The following NRG3 variants were observed in gnomAD, a reference collection of about 807,000 sequenced individuals.
NRG3 encodes the protein neuregulin 3.
NRG3 carries 31 observed loss-of-function variants against 66.9 expected under a neutral mutation model. The ratio of observed to expected loss-of-function variants is 0.46; its 90% CI spans 0.35 to 0.63. The LOEUF (loss-of-function observed/expected upper bound fraction) is 0.63. NRG3 is among the 20% of genes least tolerant of loss of function. The probability of loss-of-function intolerance (pLI) is 0.00; values close to 1 mark genes in which losing one functional copy is unlikely to be tolerated. For synonymous variants in NRG3, 393 were observed against 359.4 expected, an observed-to-expected ratio of 1.09 and a Z score of -1.06; for missense variants, 910 against 878.9, an observed-to-expected ratio of 1.04 and a Z score of -0.45.
At chr10:82,739,501 T>C (rs750213295) in intron 3 of NRG3, among the ~76,000 whole-genome samples, 23 of 152,218 alleles carry the variant, frequency 1.5e-4, no homozygotes, top group Non-Finnish European at 2.6e-4. Flanking sequence ...GTAAATATTT[T>C]GTACTGACTA....
intron 3 of NRG3, among the ~76,000 whole-genome samples, chr10:82,846,214 C>T (rs985452150): frequency 6.6e-6 from 1 of 151,960 alleles, no homozygotes; most frequent in Non-Finnish European, 1.5e-5. Context: ...AGAACACTCA[C>T]GAGGCTTTTT....
intron 3 of NRG3, among the ~76,000 whole-genome samples, chr10:82,781,903 C>A (rs146180345): frequency 6.6e-6 from 1 of 152,224 alleles, no homozygotes; most frequent in Non-Finnish European, 1.5e-5. Context: ...AAAAATCCTG[C>A]AAATGTAATT....
chr10:82,565,388 A>G (rs2045334409), intron 2 of NRG3, among the ~76,000 whole-genome samples: 1 of 152,124 alleles, frequency 6.6e-6, no homozygotes. Flanking sequence ...GAAACTAGTT[A>G]ATAGATAATT....
chr10:82,763,773 T>C lies in NRG3; in HGVS notation c.1027+25123T>C, dbSNP rs376615197. On this transcript the variant is annotated intron_variant, in intron 3 of 8. Coordinates refer to ENST00000372141, the MANE Select transcript of NRG3 (RefSeq NM_001010848.4). ...ATTGGTCATATGTGGCTGTTGATCA[T>C]ACAGAATGTGTCTAGTCCAAATTAA... 1.2e-3 allele frequency among the ~76,000 whole-genome samples: 181 copies of C among 152,258 alleles called. 2 individuals are homozygous for C. The highest frequency in any genetic ancestry group is 4.0e-3 in the African/African-American group (167 of 41,560).
intron 4 of NRG3, among the ~76,000 whole-genome samples, chr10:82,942,623 T>A (rs992524561): frequency 4.6e-5 from 7 of 152,336 alleles, no homozygotes; most frequent in African/African-American, 1.7e-4. Flanking sequence ...GGAGAGAATC[T>A]TTTTGGCAGG....
chr10:82,754,629 C>T (rs2059006698), intron 3 of NRG3, among the ~76,000 whole-genome samples: 1 of 151,702 alleles, frequency 6.6e-6, no homozygotes, highest in Admixed American at 6.6e-5. Flanking sequence ...GGAAAGAAAA[C>T]TTACTATCAT....
intron 4 of NRG3, among the ~76,000 whole-genome samples, chr10:82,886,504 A>G (rs1213677067): frequency 6.6e-6 from 1 of 152,174 alleles, no homozygotes; most frequent in Non-Finnish European, 1.5e-5. Context: ...GCATTATTTT[A>G]CCTATCCGAC....
At chr10:82,826,239 AAAG>A (rs1489371720) in intron 3 of NRG3, among the ~76,000 whole-genome samples, 6 of 152,240 alleles carry the variant, frequency 3.9e-5, no homozygotes, top group East Asian at 3.8e-4. Context: ...TCTTCAACTC[AAAG>A]AAGAAGACTG....
chr10:82,535,499 T>C (rs1463977764), intron 2 of NRG3, among the ~76,000 whole-genome samples: 2 of 152,108 alleles, frequency 1.3e-5, no homozygotes, highest in African/African-American at 2.4e-5. Flanking sequence ...TTGAGATATA[T>C]AGGAGTTGGA....
intron 1 of NRG3, among the ~76,000 whole-genome samples, chr10:81,931,583 GC>G (rs976206711): frequency 3.3e-5 from 5 of 152,082 alleles, no homozygotes; most frequent in African/African-American, 9.7e-5. Flanking sequence ...TCTTCCAGGG[GC>G]TCTTCATTTT....
chr10:82,908,686 A>C (rs375852719), intron 4 of NRG3, among the ~76,000 whole-genome samples: 60 of 152,354 alleles, frequency 3.9e-4, no homozygotes, highest in African/African-American at 1.4e-3. Context: ...ATCCAGGTGC[A>C]TGTACTATGG....
intron 3 of NRG3, among the ~76,000 whole-genome samples, chr10:82,787,054 G>A (rs28593709): frequency 0.098 from 14,950 of 152,116 alleles, 837 homozygotes; most frequent in Middle Eastern, 0.16. Context: ...GTTATTATCA[G>A]CACAAAACAG....
At chr10:82,833,546 A>G (rs1005603382) in intron 3 of NRG3, among the ~76,000 whole-genome samples, 2 of 152,088 alleles carry the variant, frequency 1.3e-5, no homozygotes, top group African/African-American at 4.8e-5. Flanking sequence ...ATAGCATTCT[A>G]CTTGATGGAA....
At chr10:82,624,244 A>T (rs1014740863) in intron 2 of NRG3, among the ~76,000 whole-genome samples, 1 of 152,162 alleles carries the variant, frequency 6.6e-6, no homozygotes, top group African/African-American at 2.4e-5. Flanking sequence ...AAATCTGTAC[A>T]TTTTATTAAA....
At chr10:82,938,108 T>G (rs1016038455) in intron 4 of NRG3, among the ~76,000 whole-genome samples, 2 of 151,998 alleles carry the variant, frequency 1.3e-5, no homozygotes, top group Non-Finnish European at 2.9e-5. Context: ...CTTGATTGAC[T>G]GATTGATTGA....
At chr10:82,487,497 A>C (rs1216769733) in intron 2 of NRG3, among the ~76,000 whole-genome samples, 1 of 152,184 alleles carries the variant, frequency 6.6e-6, no homozygotes, top group African/African-American at 2.4e-5. Context: ...TATATTAAAA[A>C]ATAGTGTTAT....
intron 1 of NRG3, among the ~76,000 whole-genome samples, chr10:82,014,297 G>A (rs1270297718): frequency 2.0e-5 from 3 of 152,176 alleles, no homozygotes; most frequent in African/African-American, 7.2e-5. Context: ...GAGGTACTGT[G>A]AGATGTTCCT....
chr10:82,831,680 G>A lies in NRG3; in HGVS notation c.1028-33731G>A, dbSNP rs564578914. Among the ~76,000 whole-genome samples the A allele has an allele frequency of 2.7e-4, 41 of 152,196 alleles. 1 individual carries two copies. In the East Asian group the frequency reaches 4.3e-3, roughly 16 times the overall value. Reference sequence around the variant, plus strand: ...AATACAAAAATTAGCTTGGTGTGGTGGCAGGCACCTGTAATCCCAGTTACT... The same window carrying A: ...AATACAAAAATTAGCTTGGTGTGGTAGCAGGCACCTGTAATCCCAGTTACT... On this transcript the variant is annotated intron_variant, in intron 3 of 8. Transcript: ENST00000372141.
intron 2 of NRG3, among the ~76,000 whole-genome samples, chr10:82,379,291 T>G (rs948826639): frequency 2.0e-5 from 3 of 152,112 alleles, no homozygotes; most frequent in African/African-American, 7.2e-5. Context: ...CCTTTTACAT[T>G]TTCATTGCCT....
Sources: gnomAD v4.1 joint callset for allele counts (sites outside exome capture counted in the v4.1 genomes callset) on GRCh38, gnomAD v4.1.1 for gene constraint, MANE v1.5 for transcripts, NCBI Gene and HGNC (gene_info 2026-07-23, HGNC 2026-07-21) for gene names.